SPAG4: variants seen among roughly 807,000 people sequenced by gnomAD.
SPAG4 encodes sperm-associated antigen 4 protein.
Under a neutral mutation model 53.9 loss-of-function variants are expected in SPAG4, and 54 were observed. That is an observed-to-expected ratio of 1.00 (90% CI 0.80 to 1.26). The LOEUF (loss-of-function observed/expected upper bound fraction) is 1.26, where lower values mean the gene tolerates loss of function less well. Among genes scored for constraint, SPAG4 ranks in the 50% most tolerant of loss-of-function variants. SPAG4 has a pLI of 0.00. For synonymous variants in SPAG4, 246 were observed against 237.4 expected (o/e 1.04, Z -0.33); for missense variants, 548 against 568.6 (o/e 0.96, Z 0.37).
chr20:35,617,140 G>A lies in SPAG4; in HGVS notation c.309G>A (p.Pro103=), dbSNP rs768545007. The change falls in exon 2 of 12, where the codon CCG becomes CCA. Residue 103 remains proline, a synonymous_variant. Coordinates refer to ENST00000374273, the MANE Select transcript of SPAG4 (RefSeq NM_003116.3). ...GGAGCCCTTGGGTTCCCGCAGAACC[G>A]ACTGGGTCTCCAGTAGTCTCTGAGG... The part of the protein sequence containing the change: ...AATVRGGASE[P]TGSPVVSEEP... 1.9e-6 allele frequency: 3 copies of A among 1,582,332 alleles called. No individual in the cohort carries two copies. The highest frequency in any genetic ancestry group is 1.2e-5 in the South Asian group (1 of 86,898).
chr20:35,620,860 C>A lies in SPAG4; in HGVS notation c.1168-16C>A. The A allele has an allele frequency of 6.2e-7, 1 of 1,613,778 alleles. No individual in the cohort carries two copies. Among genetic ancestry groups the A allele is most frequent in the Non-Finnish European group, 8.5e-7 (1 of 1,179,706 alleles). Reference sequence around the variant, plus strand: ...GGAGGAGGGCAGCCCTTGGCATGATCCATTTGTCTCCCCAGAATGACCCCC... The same window carrying A: ...GGAGGAGGGCAGCCCTTGGCATGATACATTTGTCTCCCCAGAATGACCCCC... On this transcript the variant is annotated splice_polypyrimidine_tract_variant and intron_variant, in intron 11 of 11. Transcript: ENST00000374273.
chr20:35,617,412 GCCCACCC>G, intron 2 of SPAG4, 101 bp from the exon 3 acceptor site: 1 of 1,078,178 alleles, frequency 9.3e-7, no homozygotes, highest in Non-Finnish European at 1.4e-6. Flanking sequence ...TGAGCCCCAG[GCCCACCC>G]CCGGCCCCTC....
chr20:35,619,478 T>C, intron 9 of SPAG4, 101 bp from the exon 10 acceptor site: 10 of 1,504,198 alleles, frequency 6.6e-6, no homozygotes, highest in Non-Finnish European at 9.1e-6. Flanking sequence ...GAGGTGGAGC[T>C]CTGGGCGGGT....
chr20:35,616,524 C>CACT (rs1390465034), intron 1 of SPAG4: 2 of 352,934 alleles, frequency 5.7e-6, no homozygotes, highest in Non-Finnish European at 7.9e-6. Flanking sequence ...GGTTGGGTGC[C>CACT]ACTGAGGGGG....
intron 10 of SPAG4, 177 bp from the exon 11 acceptor site, chr20:35,620,507 A>C: frequency 1.8e-6 from 1 of 562,316 alleles, no homozygotes; most frequent in Non-Finnish European, 3.2e-6. Flanking sequence ...AAATAAATAA[A>C]ACCTGGTTTC....
At chr20:35,616,922 G>A in intron 1 of SPAG4, 1 of 565,026 alleles carries the variant, frequency 1.8e-6, no homozygotes. Context: ...GAGCCACCGC[G>A]CCCGGCCAGG....
chr20:35,616,387 G>A, intron 1 of SPAG4, 80 bp downstream of exon 1: 4 of 1,421,410 alleles, frequency 2.8e-6, no homozygotes, highest in East Asian at 2.6e-5. Context: ...ACGGGGCTAA[G>A]ATGATATCTG....
At chr20:35,619,133 C>G in intron 8 of SPAG4, 62 bp from the exon 9 acceptor site, 2 of 1,346,536 alleles carry the variant, frequency 1.5e-6, no homozygotes, top group Non-Finnish European at 2.1e-6. Context: ...GCCCCCGCGC[C>G]CCCGCGCCCC....
chr20:35,618,378 G>A (rs184313598), intron 5 of SPAG4, 72 bp from the exon 6 acceptor site: 404 of 1,592,198 alleles, frequency 2.5e-4, no homozygotes, highest in Non-Finnish European at 3.3e-4. Context: ...AGCCCTGGCC[G>A]TTTCCAGGCT....
At position 35,616,185 on chromosome 20, in the gene SPAG4, C is replaced by T; in HGVS notation, c.182C>T (p.Ala61Val). 6.3e-7 allele frequency: 1 copy of T among 1,592,502 alleles called. No homozygotes were observed. The highest frequency in any genetic ancestry group is 8.5e-7 in the Non-Finnish European group (1 of 1,170,960). ...RARGPSCGEP[A>V]LSAGVPGGTT... ...CGGGGCCCGAGCTGCGGTGAGCCCG[C>T]CTTGAGCGCGGGAGTGCCCGGAGGA... is the stretch of plus-strand genomic sequence containing the variant. Residue 61 changes from alanine (A) to valine (V), a missense_variant, in exon 1 of 12, where the codon GCC (alanine) becomes GTC (valine). Coordinates refer to ENST00000374273, the MANE Select transcript of SPAG4 (RefSeq NM_003116.3).
Position 35,619,223 on chromosome 20 carries a change from C to G in SPAG4, c.822C>G (p.Ser274=), listed in dbSNP as rs773599593. The G allele has an allele frequency of 1.9e-6, 3 of 1,613,710 alleles. No individual in the cohort carries two copies. ...VGASIDLQKT[S]HDYADRNTAY... ...CCTCCATCGACCTGCAGAAGACATC[C>G]CACGATTACGCAGACAGGAACACTG... Residue 274 remains serine, a synonymous_variant, in exon 9 of 12, where the codon TCC becomes TCG. Coordinates refer to ENST00000374273, the MANE Select transcript of SPAG4 (RefSeq NM_003116.3).
intron 2 of SPAG4, 129 bp from the exon 3 acceptor site, chr20:35,617,391 C>A: frequency 1.0e-6 from 1 of 1,000,018 alleles, no homozygotes; most frequent in Non-Finnish European, 1.5e-6. Context: ...TCCTAGCCGA[C>A]CCTCTCTTCC....
Position 35,615,997 on chromosome 20 carries a change from G to A in SPAG4, c.-7G>A. 5.0e-6 allele frequency: 8 copies of A among 1,610,346 alleles called. No individual in the cohort carries two copies. Among genetic ancestry groups the A allele is most frequent in the Middle Eastern group, 1.7e-4 (1 of 6,058 alleles). Reference sequence around the variant, plus strand: ...TAGCGTCAGTGACTAGGCAGCAGGGGGTCAGGATGCGGCGAAGCTCCCGCC... The same window carrying A: ...TAGCGTCAGTGACTAGGCAGCAGGGAGTCAGGATGCGGCGAAGCTCCCGCC... On this transcript the variant is annotated 5_prime_UTR_variant, in exon 1 of 12. Coordinates refer to ENST00000374273, the MANE Select transcript of SPAG4 (RefSeq NM_003116.3).
intron 4 of SPAG4, 72 bp downstream of exon 4, chr20:35,617,912 A>G: frequency 2.0e-6 from 3 of 1,501,068 alleles, no homozygotes; most frequent in Non-Finnish European, 1.9e-6. Flanking sequence ...ATTTTCTCCT[A>G]CATCCTCGGT....
rs748857845 is a variant in SPAG4 at position 35,619,585 on chromosome 20, G to C, written c.916G>C (p.Val306Leu). 1 of 1,613,392 alleles carries C rather than the reference G, an allele frequency of 6.2e-7. No homozygotes were observed. The highest frequency in any genetic ancestry group is 1.1e-5 in the South Asian group (1 of 91,042). ...TCCCTCCGCCCGCCTGCAGCCCCAC[G>C]TGTTCCCTGGGAATTGCTGGGCTTT... is the stretch of plus-strand genomic sequence containing the variant. ...RPPTVILEPH[V>L]FPGNCWAFEG... The change falls in exon 10 of 12, where the codon GTG becomes CTG. Residue 306 changes from valine to leucine, a missense_variant. Physicochemically the swap from Val to Leu is conservative, Grantham distance 32. Coordinates refer to ENST00000374273, the MANE Select transcript of SPAG4 (RefSeq NM_003116.3).
Position 35,615,883 on chromosome 20 carries a change from C to T in SPAG4, c.-121C>T, listed in dbSNP as rs1329154343. 1 of 939,620 alleles carries T rather than the reference C, an allele frequency of 1.1e-6. No individual in the cohort carries two copies. Among genetic ancestry groups the T allele is most frequent in the African/African-American group, 1.8e-5 (1 of 57,006 alleles). The allele number at this position is 939,620 out of a possible 1,614,324, so 58.2% of individuals were successfully genotyped here. A position where few individuals can be genotyped will look rare whatever the true frequency, so the allele number is the denominator to read the frequency against. ...GGGAGGGCAGGTGCGGCCGCGGGGC[C>T]TGCCGACTTCACGCAGGGTCCGTGG... On this transcript the variant is annotated 5_prime_UTR_variant, in exon 1 of 12. Coordinates refer to ENST00000374273, the MANE Select transcript of SPAG4 (RefSeq NM_003116.3).
chr20:35,620,831 T>A, intron 11 of SPAG4, 45 bp from the exon 12 acceptor site: 2 of 1,612,916 alleles, frequency 1.2e-6, no homozygotes, highest in Non-Finnish European at 1.7e-6. Flanking sequence ...GGATGAATGA[T>A]CCAGGAGGAG....
rs1303122691 is a variant in SPAG4 at position 35,621,081 on chromosome 20, C to T, written c.*59C>T. The T allele has an allele frequency of 5.1e-6, 8 of 1,578,108 alleles. No individual in the cohort carries two copies. The highest frequency in any genetic ancestry group is 2.3e-5 in the East Asian group (1 of 44,218). On this transcript the variant is annotated 3_prime_UTR_variant, in exon 12 of 12. Transcript: ENST00000374273. The stretch of plus-strand genomic sequence containing the variant: ...CTGAAGGATACTGGATCAGTGCTTT[C>T]GGGGGCTCTGTTGGGAGAGCTCTGG...
In SPAG4 at chr20:35,616,272, C is replaced by A. The variant is rs1763774565; in HGVS notation, c.269C>A (p.Ala90Asp). ...CCTCGGAGCCACAACTGGCAGACAG[C>A]CTGTGGCGCGGCAACCGTGAGGGGC... ...PAPRSHNWQT[A>D]CGAATVRGGA... The change falls in exon 1 of 12, where the codon GCC becomes GAC. Residue 90 changes from alanine to aspartate, a missense_variant. Physicochemically the swap from Ala to Asp is moderately radical, Grantham distance 126. Coordinates refer to ENST00000374273, the MANE Select transcript of SPAG4 (RefSeq NM_003116.3). The A allele has an allele frequency of 6.7e-7, 1 of 1,493,720 alleles. No homozygotes were observed. Among genetic ancestry groups the A allele is most frequent in the Non-Finnish European group, 8.9e-7 (1 of 1,126,166 alleles). 92.5% of individuals were successfully genotyped at this position (1,493,720 alleles called of 1,614,324 possible).
Sources: gnomAD v4.1 joint callset for allele counts on GRCh38, gnomAD v4.1.1 for gene constraint, MANE v1.5 for transcripts, NCBI Gene and HGNC (gene_info 2026-07-23, HGNC 2026-07-21) for gene names.